The following FKBP1B variants were observed in gnomAD, a reference collection of about 807,000 sequenced individuals.
The protein encoded by FKBP1B is peptidyl-prolyl cis-trans isomerase FKBP1B.
Under a neutral mutation model 13.5 loss-of-function variants are expected in FKBP1B, and 4 were observed. That is an observed-to-expected ratio of 0.30 (90% CI 0.15 to 0.68). The LOEUF is 0.68. FKBP1B is among the 30% of genes least tolerant of loss of function. The pLI, the probability that FKBP1B is intolerant of heterozygous loss-of-function variation, is 0.76. For synonymous variants in FKBP1B, 54 were observed against 53.6 expected (o/e 1.01, Z -0.03); for missense variants, 93 against 136.2 (o/e 0.68, Z 1.58).
upstream of FKBP1B, among the ~76,000 whole-genome samples, chr2:24,046,536 T>C (rs1663632010): frequency 6.6e-6 from 1 of 152,186 alleles, no homozygotes; most frequent in African/African-American, 2.4e-5. Context: ...TATATAACCA[T>C]TTAATTCTGT....
intron 1 of FKBP1B, among the ~76,000 whole-genome samples, chr2:24,053,378 C>T (rs1021858810): frequency 2.0e-5 from 3 of 151,198 alleles, no homozygotes; most frequent in Non-Finnish European, 4.4e-5. Flanking sequence ...ATCCTCCCAC[C>T]TCAGCCTCCC....
At chr2:24,047,354 G>A (rs112103576), upstream of FKBP1B, 2 of 152,108 alleles carry the variant, frequency 1.3e-5, no homozygotes, top group Non-Finnish European at 2.9e-5. Context: ...ATCTCTCTGT[G>A]GCCGCCCAAC....
intron 2 of FKBP1B, among the ~76,000 whole-genome samples, chr2:24,056,287 G>A (rs1302824182): frequency 6.6e-6 from 1 of 151,896 alleles, no homozygotes; most frequent in Non-Finnish European, 1.5e-5. Flanking sequence ...ACCACACCAG[G>A]CTTTGTTTTG....
intron 3 of FKBP1B, among the ~76,000 whole-genome samples, chr2:24,062,732 A>G (rs1487216725): frequency 6.6e-6 from 1 of 152,202 alleles, no homozygotes; most frequent in Non-Finnish European, 1.5e-5. Context: ...CTTTTCCTAA[A>G]GAGGCCTATT....
At chr2:24,055,366 A>G (rs1276719245) in intron 2 of FKBP1B, among the ~76,000 whole-genome samples, 2 of 151,994 alleles carry the variant, frequency 1.3e-5, no homozygotes, top group East Asian at 3.9e-4. Flanking sequence ...ATGAGCCACC[A>G]TGCCTGGCTA....
the FKBP1B span, among the ~76,000 whole-genome samples, chr2:24,041,105 G>A: frequency 8.7e-4 from 132 of 152,174 alleles, 1 homozygote; most frequent in African/African-American, 3.2e-3. Context: ...TTGGGAGGCT[G>A]AGGCGGGTGG....
chr2:24,041,626 G>C, the FKBP1B span, among the ~76,000 whole-genome samples: 1 of 151,934 alleles, frequency 6.6e-6, no homozygotes, highest in Non-Finnish European at 1.5e-5. Flanking sequence ...GCCCAGGCAG[G>C]CAGATTACCT....
intron 1 of FKBP1B, 129 bp from the exon 2 acceptor site, chr2:24,053,773 C>A: frequency 1.1e-6 from 1 of 872,254 alleles, no homozygotes; most frequent in Non-Finnish European, 1.9e-6. Context: ...AGAGCCAGAA[C>A]TAGGGCCACA....
chr2:24,055,942 C>T (rs1664103430), intron 2 of FKBP1B, among the ~76,000 whole-genome samples: 1 of 152,150 alleles, frequency 6.6e-6, no homozygotes, highest in Admixed American at 6.6e-5. Context: ...AGGAGACTGC[C>T]AGTTACCCTG....
At chr2:24,047,810 A>C (rs956486474), upstream of FKBP1B, among the ~76,000 whole-genome samples, 20 of 152,220 alleles carry the variant, frequency 1.3e-4, no homozygotes, top group African/African-American at 4.6e-4. Flanking sequence ...AAGCCGCTGC[A>C]TGGGCCTGTC....
upstream of FKBP1B, among the ~76,000 whole-genome samples, chr2:24,044,817 TAAAAA>T (rs747340836): frequency 4.8e-5 from 5 of 103,918 alleles, no homozygotes; most frequent in Admixed American, 1.1e-4. Flanking sequence ...GAATTATCTT[TAAAAA>T]AAAAAAAAAA....
the FKBP1B span, chr2:24,039,439 G>C: frequency 1.9e-6 from 3 of 1,614,122 alleles, no homozygotes; most frequent in African/African-American, 4.0e-5. Flanking sequence ...CGGATGCACT[G>C]CTTGATGCAA....
chr2:24,043,007 T>C, the FKBP1B span, among the ~76,000 whole-genome samples: 3 of 133,120 alleles, frequency 2.3e-5, no homozygotes, highest in Non-Finnish European at 4.7e-5. Flanking sequence ...CACTCCAGCC[T>C]GGGCAAAAAG....
At chr2:24,036,066 A>AAAT in the FKBP1B span, among the ~76,000 whole-genome samples, 2 of 64,990 alleles carry the variant, frequency 3.1e-5, no homozygotes, top group East Asian at 2.9e-4. Context: ...TCCGTCTCAA[A>AAAT]AATAAATAAA....
chr2:24,054,637 C>T (rs1057336197), intron 2 of FKBP1B: 2 of 166,372 alleles, frequency 1.2e-5, no homozygotes, highest in Admixed American at 6.5e-5. Flanking sequence ...AGGACATACT[C>T]GGATGGGGCC....
intron 2 of FKBP1B, 30 bp from the exon 3 acceptor site, chr2:24,060,784 C>A: frequency 6.5e-7 from 1 of 1,544,418 alleles, no homozygotes; most frequent in Non-Finnish European, 9.0e-7. Flanking sequence ...ATGACCACAG[C>A]TCTATTGCAC....
rs1468090821 is a variant in FKBP1B at position 24,061,008 on chromosome 2, C to G, written c.198+82C>G. The stretch of plus-strand genomic sequence containing the variant: ...ACTCTGCCCTCCACCTCCACCTTCA[C>G]CCACTCACAGACCACTACTGCTTTG... On this transcript the variant is annotated intron_variant, in intron 3 of 3. Coordinates refer to ENST00000380986, the MANE Select transcript of FKBP1B (RefSeq NM_004116.5). 45 of 1,004,390 alleles carry G rather than the reference C, an allele frequency of 4.5e-5. No homozygotes were observed. In the East Asian group the frequency reaches 1.1e-3, roughly 25 times the overall value. 62.2% of individuals were successfully genotyped at this position (1,004,390 alleles called of 1,614,324 possible). A position where few individuals can be genotyped will look rare whatever the true frequency, so the allele number is the denominator to read the frequency against.
intron 1 of FKBP1B, among the ~76,000 whole-genome samples, chr2:24,051,643 G>A (rs971847418): frequency 6.6e-6 from 1 of 152,182 alleles, no homozygotes; most frequent in South Asian, 2.1e-4. Flanking sequence ...TGGACTGAGG[G>A]CCTTTGAACA....
At chr2:24,039,355 T>C in the FKBP1B span, 78 of 1,614,130 alleles carry the variant, frequency 4.8e-5, no homozygotes, top group Non-Finnish European at 6.1e-5. Flanking sequence ...GTCCCCAAAC[T>C]TGACCTCTCC....
Sources: gnomAD v4.1 joint callset for allele counts (sites outside exome capture counted in the v4.1 genomes callset) on GRCh38, gnomAD v4.1.1 for gene constraint, MANE v1.5 for transcripts, NCBI Gene and HGNC (gene_info 2026-07-23, HGNC 2026-07-21) for gene names.